MORC1: variants seen among roughly 807,000 people sequenced by gnomAD.
The protein encoded by MORC1 is MORC family CW-type zinc finger 1.
MORC1 carries 59 observed loss-of-function variants against 134.9 expected under a neutral mutation model. The ratio of observed to expected loss-of-function variants is 0.44; its 90% CI spans 0.35 to 0.54. The LOEUF (loss-of-function observed/expected upper bound fraction) is 0.54. MORC1 is among the 20% of genes least tolerant of loss of function. The pLI is 0.00. For synonymous variants in MORC1, 395 were observed against 391.7 expected, an observed-to-expected ratio of 1.01 and a Z score of -0.10; for missense variants, 947 against 1,134.5, an observed-to-expected ratio of 0.83 and a Z score of 2.37.
chr3:108,995,890 C>A (rs2593973), intron 21 of MORC1, among the ~76,000 whole-genome samples: 63,900 of 151,866 alleles, frequency 0.42, 14,120 homozygotes, highest in Middle Eastern at 0.55. Flanking sequence ...TGCCATATAT[C>A]GGTGGACCTT....
intron 26 of MORC1, among the ~76,000 whole-genome samples, chr3:108,968,966 T>TTA (rs67168996): frequency 6.6e-6 from 1 of 150,548 alleles, no homozygotes; most frequent in African/African-American, 2.5e-5. Context: ...TTTTTTTTTT[T>TTA]ATTATTAAGT....
At chr3:108,999,482 A>G (rs770735964) in intron 21 of MORC1, among the ~76,000 whole-genome samples, 23 of 152,228 alleles carry the variant, frequency 1.5e-4, no homozygotes, top group Non-Finnish European at 2.9e-4. Context: ...CTTTCATTAT[A>G]GTTACATCAG....
chr3:109,009,297 C>T (rs940908565), intron 17 of MORC1, among the ~76,000 whole-genome samples: 1 of 150,658 alleles, frequency 6.6e-6, no homozygotes, highest in Non-Finnish European at 1.5e-5. Context: ...CCTCCACCTC[C>T]TGGGTTCGAG....
intron 21 of MORC1, among the ~76,000 whole-genome samples, chr3:108,991,564 A>G (rs1458023997): frequency 6.6e-6 from 1 of 152,124 alleles, no homozygotes; most frequent in African/African-American, 2.4e-5. Flanking sequence ...CTCTCTGGGT[A>G]GTTCATCCTT....
At chr3:109,091,524 G>A (rs912709576) in intron 8 of MORC1, among the ~76,000 whole-genome samples, 1 of 152,092 alleles carries the variant, frequency 6.6e-6, no homozygotes, top group African/African-American at 2.4e-5. Context: ...GTGATGGGGA[G>A]GAGACAGTAG....
At chr3:109,060,957 A>G (rs1950066040) in intron 11 of MORC1, among the ~76,000 whole-genome samples, 1 of 152,104 alleles carries the variant, frequency 6.6e-6, no homozygotes, top group South Asian at 2.1e-4. Context: ...TCAATGATCA[A>G]TAACAATAAG....
intron 14 of MORC1, among the ~76,000 whole-genome samples, chr3:109,046,018 TG>T (rs1018984621): frequency 6.6e-6 from 1 of 152,144 alleles, no homozygotes; most frequent in Admixed American, 6.5e-5. Context: ...AAATATATGA[TG>T]ACAAAAAATA....
intron 8 of MORC1, among the ~76,000 whole-genome samples, chr3:109,090,635 A>C (rs1230716116): frequency 6.6e-6 from 1 of 151,428 alleles, no homozygotes; most frequent in African/African-American, 2.4e-5. Context: ...AAAAAAAAAA[A>C]AAAAAAACAC....
intron 3 of MORC1, among the ~76,000 whole-genome samples, chr3:109,108,778 T>C (rs183909361): frequency 1.3e-5 from 2 of 152,070 alleles, no homozygotes; most frequent in East Asian, 3.9e-4. Context: ...CGGGCACATG[T>C]AGTCCCAGCT....
Position 109,091,979 on chromosome 3 carries a change from C to G in MORC1, c.689+1457G>C, listed in dbSNP as rs149303104. Among the ~76,000 whole-genome samples the G allele has an allele frequency of 5.4e-3, 823 of 152,288 alleles. 7 individuals are homozygous for G. Among genetic ancestry groups the G allele is most frequent in the African/African-American group, 0.017 (702 of 41,554 alleles). ...TGTAGCTGTCAAATTATCCCTCTAA[C>G]AATGTATTGTTTTCTAATGCCAGTG... On this transcript the variant is annotated intron_variant, in intron 8 of 27. Transcript: ENST00000232603.
Position 109,059,817 on chromosome 3 carries a change from T to C in MORC1, c.1020A>G (p.Lys340=). The C allele has an allele frequency of 2.5e-6, 4 of 1,612,282 alleles. No homozygotes were observed. The highest frequency in any genetic ancestry group is 2.5e-6 in the Non-Finnish European group (3 of 1,179,060). ...ACCTTGTGTCTTACCTTTGTTTCTC[T>C]TTAAGATTCTTTTGCTTTGCTTCTA... ...EDVEAKQKNL[K]EKQRELKTAR... Residue 340 remains lysine, a synonymous_variant, in exon 12 of 28, where the codon AAA becomes AAG. Transcript: ENST00000232603.
chr3:109,070,446 C>T (rs1400767318), intron 8 of MORC1, among the ~76,000 whole-genome samples: 2 of 152,164 alleles, frequency 1.3e-5, no homozygotes, highest in Non-Finnish European at 2.9e-5. Context: ...TCATTGTATA[C>T]TTATAACTCC....
chr3:109,063,664 C>G (rs1470353059), intron 9 of MORC1, among the ~76,000 whole-genome samples: 2 of 152,142 alleles, frequency 1.3e-5, no homozygotes, highest in African/African-American at 4.8e-5. Flanking sequence ...AACACACATT[C>G]ATGTATCATT....
intron 14 of MORC1, among the ~76,000 whole-genome samples, chr3:109,043,743 A>G (rs1949615923): frequency 6.6e-6 from 1 of 152,214 alleles, no homozygotes; most frequent in Admixed American, 6.5e-5. Flanking sequence ...TTCAACTTGT[A>G]GGTCGGCATC....
At chr3:109,087,290 G>A (rs1208809277) in intron 8 of MORC1, among the ~76,000 whole-genome samples, 1 of 151,970 alleles carries the variant, frequency 6.6e-6, no homozygotes, top group Non-Finnish European at 1.5e-5. Context: ...CAGACTACGT[G>A]TGTTTGCAAA....
intron 8 of MORC1, among the ~76,000 whole-genome samples, chr3:109,086,272 T>A (rs770842507): frequency 6.6e-6 from 1 of 152,032 alleles, no homozygotes; most frequent in Admixed American, 6.5e-5. Flanking sequence ...AAGAAATATT[T>A]AAGGGGATGA....
At chr3:109,041,244 G>A (rs1466252077) in intron 14 of MORC1, among the ~76,000 whole-genome samples, 1 of 151,930 alleles carries the variant, frequency 6.6e-6, no homozygotes, top group Non-Finnish European at 1.5e-5. Flanking sequence ...CTGGGAGGCA[G>A]AGCTTGCAGT....
intron 14 of MORC1, among the ~76,000 whole-genome samples, chr3:109,051,081 G>T (rs1018099037): frequency 1.3e-5 from 2 of 152,104 alleles, no homozygotes; most frequent in African/African-American, 2.4e-5. Context: ...TTATTGTAAG[G>T]ATGTATAAAG....
chr3:108,970,270 C>CA (rs1036218489), intron 25 of MORC1, among the ~76,000 whole-genome samples: 9 of 149,812 alleles, frequency 6.0e-5, no homozygotes, highest in Non-Finnish European at 1.2e-4. Context: ...GGGAGGAAAG[C>CA]AAAAAAAATA....
Sources: allele counts gnomAD v4.1 joint callset (sites outside exome capture counted in the v4.1 genomes callset), GRCh38; gene constraint gnomAD v4.1.1; transcripts MANE v1.5; gene names NCBI Gene and HGNC (gene_info 2026-07-23, HGNC 2026-07-21).